The following TCF12 variants were observed in gnomAD, a reference collection of about 807,000 sequenced individuals.
TCF12 encodes the protein transcription factor 12, also known as DNA-binding protein HTF4.
Under a neutral mutation model 86.0 loss-of-function variants are expected in TCF12, and 45 were observed. The observed-to-expected ratio is 0.52, with a 90% CI of 0.41 to 0.67. The LOEUF (loss-of-function observed/expected upper bound fraction) is 0.67. TCF12 is among the 30% of genes least tolerant of loss of function. The probability of loss-of-function intolerance (pLI) is 0.00; values close to 1 mark genes in which losing one functional copy is unlikely to be tolerated. For missense variants in TCF12, 881 were observed against 859.9 expected, an observed-to-expected ratio of 1.02 and a Z score of -0.31; for synonymous variants, 330 against 299.6, an observed-to-expected ratio of 1.10 and a Z score of -1.05.
At chr15:56,999,913 G>T (rs2063924518) in intron 3 of TCF12, among the ~76,000 whole-genome samples, 1 of 151,894 alleles carries the variant, frequency 6.6e-6, no homozygotes, top group African/African-American at 2.4e-5. Flanking sequence ...AATAAAAAAA[G>T]AAATATTAAA....
intron 3 of TCF12, among the ~76,000 whole-genome samples, chr15:57,041,846 A>G (rs191216225): frequency 1.2e-4 from 18 of 152,178 alleles, no homozygotes; most frequent in African/African-American, 4.1e-4. Context: ...GTTAAAATCC[A>G]TTTGTTTACT....
intron 3 of TCF12, among the ~76,000 whole-genome samples, chr15:56,974,016 C>T (rs1418775467): frequency 1.3e-5 from 2 of 152,086 alleles, no homozygotes; most frequent in African/African-American, 4.8e-5. Flanking sequence ...AGGAATTACT[C>T]AGATTAAAGA....
intron 4 of TCF12, among the ~76,000 whole-genome samples, chr15:57,085,285 A>G (rs1376203130): frequency 2.0e-5 from 3 of 152,236 alleles, no homozygotes; most frequent in Non-Finnish European, 2.9e-5. Context: ...TGGATGACAG[A>G]ATCTATCTCC....
At chr15:57,141,196 T>C (rs555822739) in intron 5 of TCF12, among the ~76,000 whole-genome samples, 1 of 152,354 alleles carries the variant, frequency 6.6e-6, no homozygotes, top group African/African-American at 2.4e-5. Flanking sequence ...TTTATTTTCT[T>C]AGTCACTGTC....
chr15:57,277,578 G>C (rs534447043), intron 19 of TCF12, among the ~76,000 whole-genome samples: 1 of 147,778 alleles, frequency 6.8e-6, no homozygotes, highest in African/African-American at 2.5e-5. Context: ...GCAATGAGCC[G>C]AGATTGTGCC....
Position 57,197,795 on chromosome 15 carries a change from CAGAA to C in TCF12, c.552_555del (p.Lys185CysfsTer59). 1 of 1,613,948 alleles carries C rather than the reference CAGAA, an allele frequency of 6.2e-7. No individual in the cohort carries two copies. Among genetic ancestry groups the C allele is most frequent in the Non-Finnish European group, 8.5e-7 (1 of 1,179,930 alleles). On this transcript the variant is annotated frameshift_variant, in exon 8 of 21. Coordinates refer to ENST00000333725, the MANE Select transcript of TCF12 (RefSeq NM_207037.2). LOFTEE classifies it high-confidence loss of function. ...CAGATCCCTTGCAAGCAAAAAAAGT[CAGAA>C]AGGTGCCTCCTGGTTTGCCTTCTTC...
At chr15:57,135,391 A>G (rs1452511478) in intron 5 of TCF12, among the ~76,000 whole-genome samples, 2 of 152,198 alleles carry the variant, frequency 1.3e-5, no homozygotes, top group East Asian at 1.9e-4. Flanking sequence ...GAAAGAGACT[A>G]TTTTTGTATA....
intron 5 of TCF12, among the ~76,000 whole-genome samples, chr15:57,095,086 G>C (rs1218374663): frequency 2.0e-5 from 3 of 152,216 alleles, no homozygotes; most frequent in African/African-American, 7.2e-5. Context: ...GAAATCTCCT[G>C]TGGATATGTC....
At chr15:56,918,204 T>C (rs1215457360), upstream of TCF12, 1 of 456,260 alleles carries the variant, frequency 2.2e-6, no homozygotes, top group South Asian at 1.5e-5. Flanking sequence ...CAGCGTGACC[T>C]ACTCGGGAAT....
At chr15:57,195,867 C>T (rs570422383) in intron 7 of TCF12, among the ~76,000 whole-genome samples, 25 of 152,134 alleles carry the variant, frequency 1.6e-4, no homozygotes, top group South Asian at 1.5e-3. Flanking sequence ...TAGCTGGGTG[C>T]GGTGGCACAC....
intron 6 of TCF12, among the ~76,000 whole-genome samples, chr15:57,182,999 C>G (rs1045407730): frequency 9.9e-5 from 15 of 152,120 alleles, no homozygotes; most frequent in African/African-American, 3.1e-4. Context: ...GACCTAGATT[C>G]AAATTAGGAT....
intron 3 of TCF12, among the ~76,000 whole-genome samples, chr15:57,015,991 A>G (rs1436311001): frequency 2.0e-5 from 3 of 152,200 alleles, no homozygotes; most frequent in Non-Finnish European, 2.9e-5. Flanking sequence ...AGGAAACATC[A>G]TATAGTTCTC....
rs759730252 is a variant in TCF12 at position 57,273,368 on chromosome 15, G to C, written c.1978+106G>C. 2.6e-6 allele frequency: 3 copies of C among 1,153,992 alleles called. No individual in the cohort carries two copies. In the East Asian group the frequency reaches 7.3e-5, roughly 28 times the overall value. 71.5% of individuals were successfully genotyped at this position (1,153,992 alleles called of 1,614,324 possible). On this transcript the variant is annotated intron_variant, in intron 19 of 20. Transcript: ENST00000333725. ...GAGAAGTTGTTTGTTATTTCTCCCAGTACTTCTTCTACTGTATCATCAGGG... is the reference window on the plus strand; with the variant it reads ...GAGAAGTTGTTTGTTATTTCTCCCACTACTTCTTCTACTGTATCATCAGGG...
chr15:57,055,631 G>T (rs1483561054), intron 3 of TCF12, among the ~76,000 whole-genome samples: 1 of 151,962 alleles, frequency 6.6e-6, no homozygotes, highest in Non-Finnish European at 1.5e-5. Context: ...ACATCTGCTG[G>T]CATTCATAGT....
chr15:57,005,681 A>G (rs1167700329), intron 3 of TCF12, among the ~76,000 whole-genome samples: 2 of 151,962 alleles, frequency 1.3e-5, no homozygotes, highest in Admixed American at 6.6e-5. Flanking sequence ...CAGTCCTCTT[A>G]CTTCAGCCTC....
At chr15:56,952,973 T>A (rs187020826) in intron 3 of TCF12, among the ~76,000 whole-genome samples, 1 of 152,250 alleles carries the variant, frequency 6.6e-6, no homozygotes, top group African/African-American at 2.4e-5. Context: ...ATGAGTATGT[T>A]AGTTGTAGGC....
At chr15:57,238,108 T>C (rs1047935588) in intron 12 of TCF12, among the ~76,000 whole-genome samples, 2 of 152,228 alleles carry the variant, frequency 1.3e-5, no homozygotes, top group East Asian at 3.8e-4. Flanking sequence ...TTGGCTTTTA[T>C]TGTACAAATG....
intron 16 of TCF12, among the ~76,000 whole-genome samples, chr15:57,258,911 A>G (rs796275870): frequency 1.3e-5 from 2 of 152,160 alleles, no homozygotes; most frequent in African/African-American, 4.8e-5. Flanking sequence ...TCATTTATCA[A>G]AATAAATTTG....
chr15:56,991,169 GT>G (rs2063442267), intron 3 of TCF12, among the ~76,000 whole-genome samples: 1 of 152,176 alleles, frequency 6.6e-6, no homozygotes, highest in South Asian at 2.1e-4. Flanking sequence ...AATGTGTCAT[GT>G]AATGAAAGAT....
Sources: allele counts gnomAD v4.1 joint callset (sites outside exome capture counted in the v4.1 genomes callset), GRCh38; gene constraint gnomAD v4.1.1; transcripts MANE v1.5; gene names NCBI Gene and HGNC (gene_info 2026-07-23, HGNC 2026-07-21).